PLIN4: variants seen among roughly 807,000 people sequenced by gnomAD.
PLIN4 encodes perilipin-4.
A neutral mutation model predicts 52.4 loss-of-function variants in PLIN4; 57 were observed. The observed-to-expected ratio is 1.09, with a 90% CI of 0.88 to 1.36. The LOEUF (loss-of-function observed/expected upper bound fraction) is 1.36, where lower values mean the gene tolerates loss of function less well. Among genes scored for constraint, PLIN4 ranks in the 40% most tolerant of loss-of-function variants. The pLI, the probability that PLIN4 is intolerant of heterozygous loss-of-function variation, is 0.00. For synonymous variants in PLIN4, 826 were observed against 785.4 expected, an observed-to-expected ratio of 1.05 and a Z score of -0.86; for missense variants, 1,757 against 1,770.3, an observed-to-expected ratio of 0.99 and a Z score of 0.13.
At position 4,517,636 on chromosome 19, in the gene PLIN4, G is replaced by T. The variant is rs771723198; in HGVS notation, c.114C>A (p.Asn38Lys). Reference sequence around the variant, plus strand: ...GCCGGGCTCTCGCCGAGCTATGTGCGTTGGCCACCAGGTTCCGGGCAGAGC... The same window carrying T: ...GCCGGGCTCTCGCCGAGCTATGTGCTTTGGCCACCAGGTTCCGGGCAGAGC... Reference protein sequence around the residue: ...GFSSARNLVANAHSSARARPA... With the variant: ...GFSSARNLVAKAHSSARARPA... Residue 38 changes from asparagine (N) to lysine (K), a missense_variant, in exon 3 of 8, where the codon AAC (asparagine) becomes AAA (lysine). Asn to Lys is a moderately conservative substitution (Grantham distance 94). This residue lies in a region of PLIN4 where 332 missense variants were observed against 310.8 expected (regional missense o/e 1.07). Transcript: ENST00000301286. 2 of 1,608,820 alleles carry T rather than the reference G, an allele frequency of 1.2e-6. No homozygotes were observed. The highest frequency in any genetic ancestry group is 1.3e-5 in the African/African-American group (1 of 74,838).
At chr19:4,514,561 T>TA (rs576132895) in intron 4 of PLIN4, among the ~76,000 whole-genome samples, 1 of 150,958 alleles carries the variant, frequency 6.6e-6, no homozygotes, top group African/African-American at 2.4e-5. Flanking sequence ...CTGTCTCTAC[T>TA]AAAAAAATAC....
In PLIN4 at chr19:4,508,885, T is replaced by C. The variant is rs192069075; in HGVS notation, c.3585A>G (p.Leu1195=). 24 of 1,613,140 alleles carry C rather than the reference T, an allele frequency of 1.5e-5. No homozygotes were observed. In the African/African-American group the frequency reaches 3.2e-4, roughly 21 times the overall value. The part of the protein sequence containing the change: ...SAEQGSYFVR[L]GDLGPSFRQR... The stretch of plus-strand genomic sequence containing the variant: ...GGCGGAAGCTGGGACCCAGGTCACC[T>C]AAACGAACGAAGTAGCTCCCCTGTT... Residue 1195 remains leucine (L), a synonymous_variant, in exon 6 of 8, where the codon TTA becomes TTG. Transcript: ENST00000301286.
chr19:4,518,329 T>C (rs543377609), intron 1 of PLIN4, 40 bp from the exon 2 acceptor site: 7 of 1,231,500 alleles, frequency 5.7e-6, no homozygotes, highest in African/African-American at 3.1e-5. Context: ...GGGGGTTCCC[T>C]AGCCTCCCAT....
Position 4,512,201 on chromosome 19 carries a change from C to T in PLIN4, c.1759G>A (p.Val587Ile), listed in dbSNP as rs200718166. 357 of 1,612,374 alleles carry T rather than the reference C, an allele frequency of 2.2e-4. 7 individuals are homozygous for T. In the African/African-American group the frequency reaches 4.3e-3, roughly 19 times the overall value. ...GTCAGCACGGTCTTGGCTGTGTCTA[C>T]ACCTGTCTGGACAGCCCCCTTGGCC... is the stretch of plus-strand genomic sequence containing the variant. The part of the protein sequence containing the change: ...NVAKGAVQTG[V>I]DTAKTVLTGT... Residue 587 changes from valine (V) to isoleucine (I), a missense_variant, in exon 5 of 8, where the codon GTA becomes ATA. This residue lies in a region of PLIN4 where 439 missense variants were observed against 406.4 expected (regional missense o/e 1.08). Coordinates refer to ENST00000301286, the MANE Select transcript of PLIN4 (RefSeq NM_001367868.2).
At chr19:4,508,261 G>A (rs781472765) in intron 6 of PLIN4, among the ~76,000 whole-genome samples, 5 of 152,036 alleles carry the variant, frequency 3.3e-5, no homozygotes, top group South Asian at 2.1e-4. Context: ...TGTCCCCACC[G>A]TCTTTATTTT....
chr19:4,516,470 C>A, intron 4 of PLIN4, 147 bp downstream of exon 4: 1 of 955,012 alleles, frequency 1.0e-6, no homozygotes, highest in South Asian at 1.7e-5. Context: ...TCTGCCTTCC[C>A]TCAGGCCCAC....
intron 5 of PLIN4, among the ~76,000 whole-genome samples, chr19:4,509,334 AG>A (rs1976213159): frequency 7.2e-6 from 1 of 138,422 alleles, no homozygotes; most frequent in African/African-American, 2.8e-5. Flanking sequence ...AAGTTAAGTG[AG>A]GCCAGGCGCG....
At position 4,513,483 on chromosome 19, in the gene PLIN4, G is replaced by A. The variant is rs1409510539; in HGVS notation, c.477C>T (p.Asp159=). 1.2e-6 allele frequency: 2 copies of A among 1,613,294 alleles called. No homozygotes were observed. Among genetic ancestry groups the A allele is most frequent in the Non-Finnish European group, 1.7e-6 (2 of 1,179,866 alleles). Residue 159 remains aspartate, a synonymous_variant, in exon 5 of 8, where the codon GAC becomes GAT. Coordinates refer to ENST00000301286, the MANE Select transcript of PLIN4 (RefSeq NM_001367868.2). Reference sequence around the variant, plus strand: ...TGCCGGTGAGGACAGCCTTCGAGGTGTCCAGACCCCCTTGGACGGCCCCCT... The same window carrying A: ...TGCCGGTGAGGACAGCCTTCGAGGTATCCAGACCCCCTTGGACGGCCCCCT... The part of the protein sequence containing the change: ...MAKGAVQGGL[D]TSKAVLTGTK...
At chr19:4,509,199 T>C (rs967761444) in intron 5 of PLIN4, among the ~76,000 whole-genome samples, 2 of 149,420 alleles carry the variant, frequency 1.3e-5, no homozygotes, top group Non-Finnish European at 3.0e-5. Flanking sequence ...TAGTCCCAGC[T>C]ACTCGGGAGG....
chr19:4,517,500 T>C, intron 3 of PLIN4, 54 bp downstream of exon 3: 9 of 1,558,866 alleles, frequency 5.8e-6, no homozygotes, highest in Non-Finnish European at 7.8e-6. Flanking sequence ...GAGCTCCTTC[T>C]CCCAGGTCCA....
intron 6 of PLIN4, among the ~76,000 whole-genome samples, chr19:4,507,215 C>T (rs189521238): frequency 6.6e-6 from 1 of 152,248 alleles, no homozygotes; most frequent in African/African-American, 2.4e-5. Context: ...GAATCCTGAC[C>T]GAGGGCGGCA....
rs1349650760 is a variant in PLIN4 at position 4,512,135 on chromosome 19, C to T, written c.1825G>A (p.Val609Met). 2.5e-6 allele frequency: 4 copies of T among 1,608,550 alleles called. No homozygotes were observed. Among genetic ancestry groups the T allele is most frequent in the Admixed American group, 1.7e-5 (1 of 59,402 alleles). Reference sequence around the variant, plus strand: ...TGGACGGTCCCTTTGGCGACATTCACTGCCCCCACGAGCCCAGTAGTCACT... The same window carrying T: ...TGGACGGTCCCTTTGGCGACATTCATTGCCCCCACGAGCCCAGTAGTCACT... ...DTVTTGLVGA[V>M]NVAKGTVQTG... Residue 609 changes from valine (V) to methionine (M), a missense_variant, in exon 5 of 8, where the codon GTG becomes ATG. Val to Met is a conservative substitution (Grantham distance 21). Coordinates refer to ENST00000301286, the MANE Select transcript of PLIN4 (RefSeq NM_001367868.2).
Position 4,508,870 on chromosome 19 carries a change from G to T in PLIN4, c.3600C>A (p.Pro1200=). 2 of 1,612,964 alleles carry T rather than the reference G, an allele frequency of 1.2e-6. No homozygotes were observed. Among genetic ancestry groups the T allele is most frequent in the East Asian group, 2.2e-5 (1 of 44,844 alleles). The change falls in exon 6 of 8, where the codon CCC becomes CCA. Residue 1200 remains proline, a synonymous_variant. Coordinates refer to ENST00000301286, the MANE Select transcript of PLIN4 (RefSeq NM_001367868.2). ...SYFVRLGDLG[P]SFRQRAFEHA... Reference sequence around the variant, plus strand: ...GTTCAAATGCCCGCTGGCGGAAGCTGGGACCCAGGTCACCTAAACGAACGA... The same window carrying T: ...GTTCAAATGCCCGCTGGCGGAAGCTTGGACCCAGGTCACCTAAACGAACGA...
chr19:4,514,032 C>A (rs557535293), intron 4 of PLIN4, among the ~76,000 whole-genome samples: 2 of 152,230 alleles, frequency 1.3e-5, no homozygotes, highest in East Asian at 3.8e-4. Context: ...CAGCCAGGGT[C>A]CCCAGGCCTG....
intron 6 of PLIN4, among the ~76,000 whole-genome samples, chr19:4,505,208 G>A (rs923636136): frequency 4.6e-5 from 7 of 152,190 alleles, no homozygotes; most frequent in Admixed American, 6.5e-5. Flanking sequence ...ACCTGTGGCT[G>A]CCCAGTACCC....
At chr19:4,517,804 C>T in intron 2 of PLIN4, 106 bp from the exon 3 acceptor site, 1 of 1,397,016 alleles carries the variant, frequency 7.2e-7, no homozygotes, top group East Asian at 2.5e-5. Flanking sequence ...GCCCCTTGCT[C>T]CTGGGTGACC....
chr19:4,511,444 G>C lies in PLIN4; in HGVS notation c.2516C>G (p.Ala839Gly), dbSNP rs375849663. ...CACAGCACCCTTGGCCACGTTCGCA[G>C]CACCGGTGACCCCACTGCAGACAGT... ...KDTVCSGVTG[A>G]ANVAKGAVQT... The change falls in exon 5 of 8, where the codon GCT (alanine) becomes GGT (glycine). Residue 839 changes from alanine (A) to glycine (G), a missense_variant. Transcript: ENST00000301286. 75 of 1,533,958 alleles carry C rather than the reference G, an allele frequency of 4.9e-5. 3 individuals carry two copies. The highest frequency in any genetic ancestry group is 5.8e-5 in the Non-Finnish European group (65 of 1,121,726).
In PLIN4 at chr19:4,504,722, T is replaced by C. The variant is rs746808597; in HGVS notation, c.3853A>G (p.Ser1285Gly). ...CCCTGGAGGCTGGAGACCAGGCCAC[T>C]GTAGGCCGTGTGCAGCTGCCGGAGA... ...GLLRQLHTAY[S>G]GLVSSLQGLP... is the part of the protein sequence containing the mutation. Residue 1285 changes from serine to glycine, a missense_variant, in exon 8 of 8, where the codon AGT becomes GGT. Transcript: ENST00000301286. 6 of 1,600,352 alleles carry C rather than the reference T, an allele frequency of 3.7e-6. No individual in the cohort carries two copies. Among genetic ancestry groups the C allele is most frequent in the East Asian group, 2.2e-5 (1 of 44,652 alleles).
In PLIN4 at chr19:4,510,832, CCT is replaced by C. The variant is rs1338063575; in HGVS notation, c.3126_3127del (p.Ala1044HisfsTer14). The C allele has an allele frequency of 5.0e-6, 8 of 1,611,790 alleles. No individual in the cohort carries two copies. Among genetic ancestry groups the C allele is most frequent in the African/African-American group, 2.7e-5 (2 of 74,854 alleles). ...GGTGCTGAGGCCAGTGTGGGTGGCC[CCT>C]GTCGCCACGTTCCCTGACCCCATGA... On this transcript the variant is annotated frameshift_variant, in exon 5 of 8. Transcript: ENST00000301286. LOFTEE classifies it high-confidence loss of function.
Sources: gnomAD v4.1 joint callset for allele counts (sites outside exome capture counted in the v4.1 genomes callset) on GRCh38, gnomAD v4.1.1 for gene constraint, gnomAD v4.1.1 regional missense constraint, MANE v1.5 for transcripts, NCBI Gene and HGNC (gene_info 2026-07-23, HGNC 2026-07-21) for gene names.